CASD1: variants seen among roughly 807,000 people sequenced by gnomAD.
CASD1 encodes N-acetylneuraminate (7)9-O-acetyltransferase.
Under a neutral mutation model 100.0 loss-of-function variants are expected in CASD1, and 41 were observed. That is an observed-to-expected ratio of 0.41 (90% CI 0.32 to 0.53). The LOEUF is 0.53. Among genes scored for constraint, CASD1 ranks in the 20% least tolerant of loss-of-function variants. The probability of loss-of-function intolerance (pLI) is 0.25; values close to 1 mark genes in which losing one functional copy is unlikely to be tolerated. For missense variants in CASD1, 774 were observed against 948.7 expected (o/e 0.82, Z 2.42); for synonymous variants, 321 against 315.6 (o/e 1.02, Z -0.18).
chr7:94,597,755 T>A, the CASD1 span: 1 of 152,294 alleles, frequency 6.6e-6, no homozygotes, highest in Admixed American at 6.6e-5. Context: ...ACACCTGTAA[T>A]CCCAGTACTT....
rs535035845 is a variant in CASD1 at position 94,535,060 on chromosome 7, G to A, written c.629-249G>A. Among the ~76,000 whole-genome samples the A allele has an allele frequency of 2.6e-5, 4 of 152,236 alleles. No individual in the cohort carries two copies. In the East Asian group the frequency reaches 5.8e-4, roughly 22 times the overall value. On this transcript the variant is annotated intron_variant, in intron 7 of 17. Coordinates refer to ENST00000297273, the MANE Select transcript of CASD1 (RefSeq NM_022900.5). Reference sequence around the variant, plus strand: ...CATAAAAATATTTCCGCAAATCTGTGTACATAAAGATGGGACAAAAGTTCT... The same window carrying A: ...CATAAAAATATTTCCGCAAATCTGTATACATAAAGATGGGACAAAAGTTCT...
the CASD1 span, chr7:94,586,887 T>A: frequency 3.0e-6 from 3 of 985,150 alleles, no homozygotes; most frequent in South Asian, 1.4e-4. Flanking sequence ...TCTCTCTCCC[T>A]TTGGCACTTA....
At chr7:94,631,226 G>A in the CASD1 span, among the ~76,000 whole-genome samples, 8 of 151,750 alleles carry the variant, frequency 5.3e-5, no homozygotes, top group Non-Finnish European at 1.0e-4. Context: ...GTACTTACCA[G>A]CAGGAATAAT....
chr7:94,619,433 T>C, the CASD1 span: 1 of 152,788 alleles, frequency 6.5e-6, no homozygotes, highest in Non-Finnish European at 1.5e-5. Context: ...CCACTTCACA[T>C]TGTTGGAGAT....
intron 13 of CASD1, among the ~76,000 whole-genome samples, chr7:94,547,506 G>A (rs2116394756): frequency 1.3e-5 from 2 of 151,920 alleles, no homozygotes; most frequent in Middle Eastern, 3.4e-3. Flanking sequence ...GACAGAATTT[G>A]CAGCTAGTTT....
chr7:94,520,559 T>C (rs1053416619), intron 3 of CASD1, among the ~76,000 whole-genome samples: 3 of 152,190 alleles, frequency 2.0e-5, no homozygotes, highest in African/African-American at 7.2e-5. Flanking sequence ...ACTTGAGAAG[T>C]CTTACAGTAA....
chr7:94,533,563 TATTAA>T, intron 6 of CASD1, 111 bp from the exon 7 acceptor site: 1 of 779,426 alleles, frequency 1.3e-6, no homozygotes, highest in Non-Finnish European at 1.9e-6. Flanking sequence ...TTTATTCTAA[TATTAA>T]ATAAAATGAG....
At chr7:94,579,752 A>G in the CASD1 span, among the ~76,000 whole-genome samples, 1 of 152,306 alleles carries the variant, frequency 6.6e-6, no homozygotes, top group African/African-American at 2.4e-5. Flanking sequence ...ACCCATATCC[A>G]GATGACTTAC....
At chr7:94,624,517 T>A in the CASD1 span, 8 of 300,142 alleles carry the variant, frequency 2.7e-5, no homozygotes, top group African/African-American at 1.3e-4. Context: ...TCCATCATAT[T>A]TAATTATTTC....
the CASD1 span, chr7:94,603,336 T>G: frequency 6.2e-7 from 1 of 1,612,690 alleles, no homozygotes; most frequent in African/African-American, 1.3e-5. Context: ...ACGAAATTTT[T>G]TATCACATGT....
chr7:94,519,473 C>T (rs1325024652), intron 3 of CASD1, among the ~76,000 whole-genome samples: 5 of 152,088 alleles, frequency 3.3e-5, no homozygotes, highest in African/African-American at 1.2e-4. Flanking sequence ...ATACCAGGTC[C>T]TAAATCTTTA....
chr7:94,528,271 G>A (rs779377513), intron 5 of CASD1, 21 bp downstream of exon 5: 3 of 1,455,984 alleles, frequency 2.1e-6, no homozygotes, highest in Admixed American at 2.4e-5. Context: ...AAAAAACATA[G>A]GCTTTTTTTT....
intron 10 of CASD1, among the ~76,000 whole-genome samples, chr7:94,540,423 C>T (rs1044751880): frequency 1.5e-4 from 23 of 152,060 alleles, no homozygotes; most frequent in Non-Finnish European, 7.4e-5. Context: ...ATATCTCTAA[C>T]AATTGAAGGA....
the CASD1 span, among the ~76,000 whole-genome samples, chr7:94,613,650 G>T: frequency 1.3e-5 from 2 of 152,020 alleles, no homozygotes; most frequent in African/African-American, 4.8e-5. Flanking sequence ...AACAAGTAAT[G>T]GTAAACAATT....
At chr7:94,599,923 A>G in the CASD1 span, 1 of 423,354 alleles carries the variant, frequency 2.4e-6, no homozygotes, top group Non-Finnish European at 4.2e-6. Context: ...TGAGAAACAC[A>G]TAGAAAAATG....
rs1213948769 is a variant in CASD1 at position 94,554,592 on chromosome 7, T to G, written c.2127+17T>G. ...TCATTAGAGGTTGGTACATTAATAT[T>G]TTGCTTATCTTACACAGCCAGGTGT... On this transcript the variant is annotated intron_variant, in intron 17 of 17. Coordinates refer to ENST00000297273, the MANE Select transcript of CASD1 (RefSeq NM_022900.5). 1 of 1,516,048 alleles carries G rather than the reference T, an allele frequency of 6.6e-7. No homozygotes were observed. Among genetic ancestry groups the G allele is most frequent in the Non-Finnish European group, 9.2e-7 (1 of 1,092,502 alleles). The allele number at this position is 1,516,048 out of a possible 1,614,324, so 93.9% of individuals were successfully genotyped here. A position where few individuals can be genotyped will look rare whatever the true frequency, so the allele number is the denominator to read the frequency against.
the CASD1 span, chr7:94,587,432 A>G: frequency 3.4e-6 from 4 of 1,164,492 alleles, no homozygotes; most frequent in Non-Finnish European, 4.2e-6. Context: ...GAAGATAGAA[A>G]TCTTAGGCGA....
At chr7:94,567,347 C>T in the CASD1 span, among the ~76,000 whole-genome samples, 4 of 152,112 alleles carry the variant, frequency 2.6e-5, no homozygotes, top group African/African-American at 9.7e-5. Flanking sequence ...GCCTCCTATG[C>T]CCTGCTTCTG....
intron 1 of CASD1, 67 bp downstream of exon 1, chr7:94,510,284 G>GC (rs1361089849): frequency 1.6e-5 from 19 of 1,205,650 alleles, no homozygotes; most frequent in Non-Finnish European, 2.1e-5. Context: ...GCTGGAGGCC[G>GC]CCCCCATCGC....
Sources: allele counts gnomAD v4.1 joint callset (sites outside exome capture counted in the v4.1 genomes callset), GRCh38; gene constraint gnomAD v4.1.1; transcripts MANE v1.5; gene names NCBI Gene and HGNC (gene_info 2026-07-23, HGNC 2026-07-21).